EHBP1: variants seen among roughly 807,000 people sequenced by gnomAD.
EHBP1 encodes the protein EH domain binding protein 1.
EHBP1 carries 55 observed loss-of-function variants against 144.0 expected under a neutral mutation model. The ratio of observed to expected loss-of-function variants is 0.38; its 90% CI spans 0.31 to 0.48. The LOEUF (loss-of-function observed/expected upper bound fraction) is 0.48. Ranked by LOEUF, EHBP1 falls within the 20% of genes least tolerant of loss-of-function variation. The probability of loss-of-function intolerance (pLI) is 0.98; values close to 1 mark genes in which losing one functional copy is unlikely to be tolerated. For missense variants in EHBP1, 1,200 were observed against 1,364.2 expected (o/e 0.88, Z 1.90); for synonymous variants, 469 against 472.7 (o/e 0.99, Z 0.10).
At chr2:62,842,398 A>T (rs1329548276) in intron 7 of EHBP1, among the ~76,000 whole-genome samples, 5 of 152,126 alleles carry the variant, frequency 3.3e-5, no homozygotes, top group Non-Finnish European at 7.4e-5. Flanking sequence ...AAAGCCTTTT[A>T]TAAGGGCAAT....
chr2:62,936,823 G>A lies in EHBP1; in HGVS notation c.1186-5895G>A, dbSNP rs372176115. On this transcript the variant is annotated intron_variant, in intron 10 of 22. Coordinates refer to ENST00000431489, the MANE Select transcript of EHBP1 (RefSeq NM_001142616.3). ...TAATAAGACCAATATAAATGTAAGT[G>A]TTCTCATTCTCACTGTTGATAGTTT... Among the ~76,000 whole-genome samples the A allele has an allele frequency of 3.9e-5, 6 of 152,262 alleles. No individual in the cohort carries two copies. In the South Asian group the frequency reaches 1.2e-3, roughly 31 times the overall value.
chr2:62,845,290 A>G (rs978457244), intron 7 of EHBP1, among the ~76,000 whole-genome samples: 2 of 152,148 alleles, frequency 1.3e-5, no homozygotes, highest in African/African-American at 2.4e-5. Flanking sequence ...CAATTTGTCA[A>G]TCAGGTTTGA....
chr2:63,009,036 C>T (rs1290302199), intron 19 of EHBP1, among the ~76,000 whole-genome samples: 2 of 151,654 alleles, frequency 1.3e-5, no homozygotes, highest in East Asian at 1.9e-4. Context: ...ACTTTAATGG[C>T]AGCAGTGTTG....
chr2:62,697,013 G>T (rs577606256), intron 1 of EHBP1, among the ~76,000 whole-genome samples: 1 of 152,116 alleles, frequency 6.6e-6, no homozygotes, highest in East Asian at 1.9e-4. Flanking sequence ...AATAGGATGG[G>T]TGTGTTTGTT....
intron 5 of EHBP1, among the ~76,000 whole-genome samples, chr2:62,796,349 A>G (rs1000757686): frequency 7.2e-5 from 11 of 152,082 alleles, no homozygotes; most frequent in Admixed American, 6.5e-4. Context: ...TTGCACCTCT[A>G]TGGTTAAGTC....
intron 10 of EHBP1, chr2:62,881,836 A>G (rs1369337849): frequency 6.6e-6 from 1 of 152,158 alleles, no homozygotes; most frequent in Non-Finnish European, 1.5e-5. Context: ...ACTTTTGCCT[A>G]TCTAGTCATG....
intron 2 of EHBP1, among the ~76,000 whole-genome samples, chr2:62,733,060 G>A (rs945628276): frequency 6.6e-6 from 1 of 152,238 alleles, no homozygotes; most frequent in Non-Finnish European, 1.5e-5. Context: ...CTAAATTTCA[G>A]TTCTGATCAT....
chr2:62,961,706 T>C (rs2058011066), intron 14 of EHBP1, among the ~76,000 whole-genome samples: 1 of 152,208 alleles, frequency 6.6e-6, no homozygotes, highest in South Asian at 2.1e-4. Flanking sequence ...ATTATTTTTC[T>C]TTATTACTCC....
chr2:62,995,878 G>A (rs1392224833), intron 18 of EHBP1, among the ~76,000 whole-genome samples: 1 of 151,888 alleles, frequency 6.6e-6, no homozygotes, highest in Non-Finnish European at 1.5e-5. Context: ...TTTTAAACAT[G>A]GATGGTTCAA....
At chr2:63,042,657 T>A (rs538009372) in intron 21 of EHBP1, among the ~76,000 whole-genome samples, 1 of 152,098 alleles carries the variant, frequency 6.6e-6, no homozygotes, top group Non-Finnish European at 1.5e-5. Flanking sequence ...AAAGTTAAGA[T>A]ATTTTAAATT....
intron 14 of EHBP1, among the ~76,000 whole-genome samples, chr2:62,976,228 C>G (rs1233140522): frequency 6.6e-6 from 1 of 152,156 alleles, no homozygotes; most frequent in Admixed American, 6.5e-5. Flanking sequence ...AATTGGTTCT[C>G]TACTGGGAGC....
chr2:62,715,137 CAG>C (rs1232618554), intron 2 of EHBP1, among the ~76,000 whole-genome samples: 1 of 152,054 alleles, frequency 6.6e-6, no homozygotes, highest in Non-Finnish European at 1.5e-5. Flanking sequence ...TCTTTTGAGA[CAG>C]AGTCTTGCTC....
chr2:62,933,921 G>A (rs532198089), intron 10 of EHBP1, among the ~76,000 whole-genome samples: 9 of 152,220 alleles, frequency 5.9e-5, no homozygotes, highest in African/African-American at 1.4e-4. Flanking sequence ...TCTTTTGTGC[G>A]TGTGTCTAGT....
At chr2:62,748,130 T>G (rs1034544192) in intron 3 of EHBP1, among the ~76,000 whole-genome samples, 1 of 152,128 alleles carries the variant, frequency 6.6e-6, no homozygotes, top group African/African-American at 2.4e-5. Context: ...GAATTAATGA[T>G]TAAACAGGTA....
At chr2:62,971,010 A>G (rs1331408736) in intron 14 of EHBP1, among the ~76,000 whole-genome samples, 1 of 152,242 alleles carries the variant, frequency 6.6e-6, no homozygotes, top group Non-Finnish European at 1.5e-5. Context: ...AAAGGAAACA[A>G]GGAATTACAT....
At chr2:62,977,319 T>A (rs775606620) in intron 14 of EHBP1, among the ~76,000 whole-genome samples, 2 of 152,228 alleles carry the variant, frequency 1.3e-5, no homozygotes, top group Middle Eastern at 3.4e-3. Context: ...CTGTCACTGT[T>A]TTTGCCCTAT....
chr2:63,039,110 T>G (rs2061560012), intron 21 of EHBP1, among the ~76,000 whole-genome samples: 1 of 152,212 alleles, frequency 6.6e-6, no homozygotes, highest in Non-Finnish European at 1.5e-5. Flanking sequence ...TTTAATTACA[T>G]TTTACTTAAG....
intron 1 of EHBP1, among the ~76,000 whole-genome samples, chr2:62,677,027 G>T (rs2033323028): frequency 6.6e-6 from 1 of 152,150 alleles, no homozygotes; most frequent in Non-Finnish European, 1.5e-5. Flanking sequence ...GCTGGGCATG[G>T]TGGCACATTC....
chr2:62,852,135 A>G (rs2048728291), intron 7 of EHBP1, among the ~76,000 whole-genome samples: 1 of 152,142 alleles, frequency 6.6e-6, no homozygotes, highest in Non-Finnish European at 1.5e-5. Context: ...CAAATATAAC[A>G]TGTTTAATAA....
Sources: allele counts gnomAD v4.1 joint callset (sites outside exome capture counted in the v4.1 genomes callset), GRCh38; gene constraint gnomAD v4.1.1; transcripts MANE v1.5; gene names NCBI Gene and HGNC (gene_info 2026-07-23, HGNC 2026-07-21).